Variants in DNAH5 observed in about 807,000 individuals in gnomAD.
The protein encoded by DNAH5 is axonemal beta dynein heavy chain 5.
In DNAH5, 372 loss-of-function variants were observed where a neutral mutation model predicts 518.2. The observed-to-expected ratio is 0.72, with a 90% CI of 0.66 to 0.78. The LOEUF is 0.78. Ranked by LOEUF, DNAH5 falls within the 30% of genes least tolerant of loss-of-function variation. The pLI is 0.00. For synonymous variants in DNAH5, 2,039 were observed against 2,025.9 expected (o/e 1.01, Z -0.17); for missense variants, 5,523 against 5,687.0 (o/e 0.97, Z 0.93).
intron 76 of DNAH5, among the ~76,000 whole-genome samples, chr5:13,703,906 G>C (rs1742448074): frequency 6.6e-6 from 1 of 152,168 alleles, no homozygotes; most frequent in Admixed American, 6.5e-5. Flanking sequence ...GACTGTGAAT[G>C]AAAGTGGCAT....
intron 35 of DNAH5, among the ~76,000 whole-genome samples, chr5:13,835,278 C>CAAA (rs57989593): frequency 0.41 from 58,374 of 142,542 alleles, 11,716 homozygotes; most frequent in East Asian, 0.6. Context: ...GACTTCTTCT[C>CAAA]AAAAAAAAAA....
Position 13,826,408 on chromosome 5 carries a change from G to A in DNAH5, c.6445-2075C>T, listed in dbSNP as rs145750374. Among the ~76,000 whole-genome samples, 691 of 152,318 alleles carry A rather than the reference G, an allele frequency of 4.5e-3. 8 individuals are homozygous for A. The highest frequency in any genetic ancestry group is 0.024 in the Admixed American group (366 of 15,294). On this transcript the variant is annotated intron_variant, in intron 38 of 78. Transcript: ENST00000265104. ...CCCCACCCAAATCTCATCCTGAACT[G>A]TAGTCCCCATAATCCCCATGTGTCG... is the stretch of plus-strand genomic sequence containing the variant.
intron 15 of DNAH5, chr5:13,896,511 T>C (rs770007887): frequency 4.6e-5 from 7 of 152,224 alleles, no homozygotes; most frequent in Non-Finnish European, 1.0e-4. Flanking sequence ...TTTTTGTCCA[T>C]AATAACTATC....
chr5:13,856,715 T>C (rs764663695), intron 30 of DNAH5, among the ~76,000 whole-genome samples: 2 of 151,786 alleles, frequency 1.3e-5, no homozygotes, highest in Non-Finnish European at 2.9e-5. Flanking sequence ...GTTCAACATA[T>C]GCAAATAAAC....
chr5:13,847,747 A>T (rs997527917), intron 31 of DNAH5, among the ~76,000 whole-genome samples: 1 of 151,904 alleles, frequency 6.6e-6, no homozygotes, highest in Non-Finnish European at 1.5e-5. Context: ...GGAGAAAAAA[A>T]AAATAAAGGG....
intron 46 of DNAH5, 141 bp from the exon 47 acceptor site, chr5:13,807,866 A>G: frequency 1.3e-6 from 1 of 745,730 alleles, no homozygotes; most frequent in Non-Finnish European, 2.2e-6. Context: ...AGGTCTTTAA[A>G]GAGGTGACTA....
intron 65 of DNAH5, among the ~76,000 whole-genome samples, chr5:13,746,353 C>G (rs1749328835): frequency 6.6e-6 from 1 of 152,036 alleles, no homozygotes; most frequent in African/African-American, 2.4e-5. Flanking sequence ...CAGGTGAACT[C>G]AAATCTATTT....
In DNAH5 at chr5:13,786,282, A is replaced by T; in HGVS notation, c.8717T>A (p.Leu2906Gln). 1 of 1,614,098 alleles carries T rather than the reference A, an allele frequency of 6.2e-7. No individual in the cohort carries two copies. Among genetic ancestry groups the T allele is most frequent in the Non-Finnish European group, 8.5e-7 (1 of 1,180,006 alleles). ...CAGGAACATATTCAGACGCTCTTTT[A>T]GGTGACTAAAAGATTCAATTGGCTC... ...IYEPIESFSH[L>Q]KERLNMFLQL... Residue 2906 changes from leucine (L) to glutamine (Q), a missense_variant, in exon 52 of 79, where the codon CTA becomes CAA. By Grantham distance (113) the Leu-to-Gln change is moderately radical. Coordinates refer to ENST00000265104, the MANE Select transcript of DNAH5 (RefSeq NM_001369.3).
chr5:13,964,852 G>A (rs1375820516), intron 1 of DNAH5, among the ~76,000 whole-genome samples: 1 of 152,216 alleles, frequency 6.6e-6, no homozygotes, highest in Non-Finnish European at 1.5e-5. Context: ...ACAGATAAAT[G>A]CCTTTGGGCC....
At position 13,914,549 on chromosome 5, in the gene DNAH5, T is replaced by C. The variant is rs1446257052; in HGVS notation, c.1291A>G (p.Lys431Glu). 4 of 1,613,414 alleles carry C rather than the reference T, an allele frequency of 2.5e-6. No homozygotes were observed. The highest frequency in any genetic ancestry group is 3.4e-6 in the Non-Finnish European group (4 of 1,179,512). ...WNQPQDVVEE[K>E]ILSAIKLKQE... ...TTCAGTTTAATCGCAGATAGTATTT[T>C]TTCTTCAACAACATCCTGTGGCTGG... Residue 431 changes from lysine (K) to glutamate (E), a missense_variant, in exon 10 of 79, where the codon AAA becomes GAA. By Grantham distance (56) the Lys-to-Glu change is moderately conservative. Coordinates refer to ENST00000265104, the MANE Select transcript of DNAH5 (RefSeq NM_001369.3).
intron 43 of DNAH5, among the ~76,000 whole-genome samples, chr5:13,813,677 A>C (rs1273981108): frequency 1.3e-5 from 2 of 152,164 alleles, no homozygotes; most frequent in East Asian, 3.8e-4. Context: ...ATTCAACTCT[A>C]TGTCAACATC....
chr5:13,839,542 G>A lies in DNAH5; in HGVS notation c.5710-14C>T, dbSNP rs1258293540. The A allele has an allele frequency of 6.8e-6, 11 of 1,608,816 alleles. No individual in the cohort carries two copies. Among genetic ancestry groups the A allele is most frequent in the African/African-American group, 4.0e-5 (3 of 74,790 alleles). Reference sequence around the variant, plus strand: ...ATGCATATGACACTGAAATTCAAAAGGTATATGTTAGAGCTCTGATGAGAA... The same window carrying A: ...ATGCATATGACACTGAAATTCAAAAAGTATATGTTAGAGCTCTGATGAGAA... On this transcript the variant is annotated splice_polypyrimidine_tract_variant and intron_variant, in intron 34 of 78. Transcript: ENST00000265104.
At chr5:13,892,738 C>A (rs988148927) in intron 16 of DNAH5, among the ~76,000 whole-genome samples, 1 of 152,110 alleles carries the variant, frequency 6.6e-6, no homozygotes, top group Non-Finnish European at 1.5e-5. Flanking sequence ...TATGATAACT[C>A]ATTATCATGT....
chr5:13,914,733 G>A, intron 9 of DNAH5, 91 bp from the exon 10 acceptor site: 1 of 1,303,446 alleles, frequency 7.7e-7, no homozygotes, highest in East Asian at 2.4e-5. Context: ...CTACTTCTCA[G>A]AGTTCACAAT....
chr5:13,995,998 G>A (rs1020483982), intron 1 of DNAH5, among the ~76,000 whole-genome samples: 3 of 152,176 alleles, frequency 2.0e-5, no homozygotes, highest in Non-Finnish European at 4.4e-5. Flanking sequence ...TACCATAAAG[G>A]AAGAAAGGTA....
rs1157027184 is a variant in DNAH5, at chr5:13,824,316, G to A, written c.6462C>T (p.Gly2154=). 3 of 1,613,916 alleles carry A rather than the reference G, an allele frequency of 1.9e-6. No individual in the cohort carries two copies. The highest frequency in any genetic ancestry group is 2.2e-5 in the East Asian group (1 of 44,880). Residue 2154 remains glycine, a synonymous_variant, in exon 39 of 79, where the codon GGC becomes GGT. Transcript: ENST00000265104. ...GAAGAACTGACAGAATGTTACGCAG[G>A]CCAAAGTCATAATGAACCTAGAGAA... ...QLSKQVHYDF[G]LRNILSVLRT...
intron 35 of DNAH5, among the ~76,000 whole-genome samples, chr5:13,837,205 T>C (rs923652131): frequency 6.6e-6 from 1 of 152,202 alleles, no homozygotes; most frequent in African/African-American, 2.4e-5. Context: ...TCTAAATTTA[T>C]GGCAATTTGT....
chr5:13,830,665 C>T lies in DNAH5; in HGVS notation c.5993G>A (p.Gly1998Glu). 1.2e-6 allele frequency: 2 copies of T among 1,614,186 alleles called. No individual in the cohort carries two copies. Among genetic ancestry groups the T allele is most frequent in the Non-Finnish European group, 8.5e-7 (1 of 1,180,026 alleles). Residue 1998 changes from glycine to glutamate, a missense_variant, in exon 36 of 79, where the codon GGG (glycine) becomes GAG (glutamate). By Grantham distance (98) the Gly-to-Glu change is moderately conservative. This residue lies in a region of DNAH5 where 5,121 missense variants were observed against 5,223.3 expected (regional missense o/e 0.98). Transcript: ENST00000265104. Reference protein sequence around the residue: ...ETTKDMGRCLGKYVVVFNCSD... With the variant: ...ETTKDMGRCLEKYVVVFNCSD... ...ACAATTGAAAACCACGACGTATTTC[C>T]CGAGGCATCGTCCCATGTCTTTAGT...
chr5:13,720,793 C>T (rs1323254800), intron 71 of DNAH5, among the ~76,000 whole-genome samples: 4 of 152,028 alleles, frequency 2.6e-5, no homozygotes, highest in African/African-American at 9.7e-5. Context: ...AGACCATCCA[C>T]TTTGCTATCC....
Sources: gnomAD v4.1 joint callset for allele counts (sites outside exome capture counted in the v4.1 genomes callset) on GRCh38, gnomAD v4.1.1 for gene constraint, gnomAD v4.1.1 regional missense constraint, MANE v1.5 for transcripts, NCBI Gene and HGNC (gene_info 2026-07-23, HGNC 2026-07-21) for gene names.